The following ADAMTS20 variants were observed in gnomAD, a reference collection of about 807,000 sequenced individuals.
The protein encoded by ADAMTS20 is ADAM metallopeptidase with thrombospondin type 1 motif 20, also known as A disintegrin and metalloproteinase with thrombospondin motifs 20.
Under a neutral mutation model 260.1 loss-of-function variants are expected in ADAMTS20, and 225 were observed. The observed-to-expected ratio is 0.87, with a 90% CI of 0.78 to 0.97. The LOEUF is 0.97. Among genes scored for constraint, ADAMTS20 ranks in the 50% least tolerant of loss-of-function variants. The probability of loss-of-function intolerance (pLI) is 0.00; values close to 1 mark genes in which losing one functional copy is unlikely to be tolerated. For synonymous variants in ADAMTS20, 802 were observed against 769.5 expected, an observed-to-expected ratio of 1.04 and a Z score of -0.70; for missense variants, 2,400 against 2,337.7, an observed-to-expected ratio of 1.03 and a Z score of -0.55.
In ADAMTS20 at chr12:43,446,579, C is replaced by T. The variant is rs747751998; in HGVS notation, c.2197+16G>A. On this transcript the variant is annotated intron_variant, in intron 15 of 38. Coordinates refer to ENST00000389420, the MANE Select transcript of ADAMTS20 (RefSeq NM_025003.5). ...ACTAAATAAAAGCGAAATCTAGAAACAAATACACAACTTACCATAATGAGA... is the reference window on the plus strand; with the variant it reads ...ACTAAATAAAAGCGAAATCTAGAAATAAATACACAACTTACCATAATGAGA... 5 of 1,598,072 alleles carry T rather than the reference C, an allele frequency of 3.1e-6. No individual in the cohort carries two copies. Among genetic ancestry groups the T allele is most frequent in the Admixed American group, 3.4e-5 (2 of 59,566 alleles).
At chr12:43,378,736 A>G (rs894870346) in intron 31 of ADAMTS20, among the ~76,000 whole-genome samples, 2 of 152,232 alleles carry the variant, frequency 1.3e-5, no homozygotes, top group Non-Finnish European at 2.9e-5. Context: ...CTCATAATGA[A>G]GAAAAAACCT....
chr12:43,436,067 A>C (rs79407731), intron 18 of ADAMTS20, among the ~76,000 whole-genome samples: 2,016 of 152,330 alleles, frequency 0.013, 49 homozygotes, highest in African/African-American at 0.047. Flanking sequence ...GAAAACGCAT[A>C]AACGTAAAAG....
intron 2 of ADAMTS20, among the ~76,000 whole-genome samples, chr12:43,542,085 G>C (rs1943383935): frequency 6.6e-6 from 1 of 152,070 alleles, no homozygotes; most frequent in African/African-American, 2.4e-5. Flanking sequence ...TCATTCTTGT[G>C]GGCACTGAGG....
At position 43,551,995 on chromosome 12, in the gene ADAMTS20, C is replaced by T; in HGVS notation, c.-74G>A. 4 of 1,276,562 alleles carry T rather than the reference C, an allele frequency of 3.1e-6. No individual in the cohort carries two copies. The highest frequency in any genetic ancestry group is 4.5e-6 in the Non-Finnish European group (4 of 883,552). 79.1% of individuals were successfully genotyped at this position (1,276,562 alleles called of 1,614,324 possible). A position where few individuals can be genotyped will look rare whatever the true frequency, so the allele number is the denominator to read the frequency against. ...CAGCCAAGCCGGCTTCCCTCGCGCT[C>T]CGATCCCTCTCCTCCCTCTCGCCCG... On this transcript the variant is annotated 5_prime_UTR_variant, in exon 1 of 39. Coordinates refer to ENST00000389420, the MANE Select transcript of ADAMTS20 (RefSeq NM_025003.5). The surrounding 1 kb of genome is among the most constrained non-coding windows in gnomAD (Gnocchi z 4.6).
intron 37 of ADAMTS20, among the ~76,000 whole-genome samples, chr12:43,362,368 G>C (rs1939889190): frequency 6.6e-6 from 1 of 152,160 alleles, no homozygotes; most frequent in Non-Finnish European, 1.5e-5. Flanking sequence ...GAAAGTAGTA[G>C]GTCAGAGTCA....
intron 28 of ADAMTS20, among the ~76,000 whole-genome samples, chr12:43,402,733 A>C (rs1399250117): frequency 6.6e-6 from 1 of 151,942 alleles, no homozygotes; most frequent in Admixed American, 6.6e-5. Flanking sequence ...TTTCCCCTCC[A>C]TTTTATAACT....
Position 43,466,216 on chromosome 12 carries a change from A to G in ADAMTS20, c.1367+436T>C, listed in dbSNP as rs150442258. On this transcript the variant is annotated intron_variant, in intron 9 of 38. Transcript: ENST00000389420. ...TCTGTGGCTTTAGAGAACTAACAGA[A>G]TAATTCGTAGTTTGACTTTAGCTAT... Among the ~76,000 whole-genome samples the G allele has an allele frequency of 1.8e-3, 271 of 152,174 alleles. 1 individual carries two copies. Among genetic ancestry groups the G allele is most frequent in the African/African-American group, 6.4e-3 (265 of 41,568 alleles).
At chr12:43,422,597 T>C (rs1941256798) in intron 28 of ADAMTS20, among the ~76,000 whole-genome samples, 1 of 152,000 alleles carries the variant, frequency 6.6e-6, no homozygotes, top group Non-Finnish European at 1.5e-5. Context: ...AAAAAGTAAA[T>C]ATGATTGTAA....
intron 35 of ADAMTS20, 48 bp downstream of exon 35, chr12:43,376,009 C>T: frequency 7.2e-7 from 1 of 1,391,342 alleles, no homozygotes; most frequent in South Asian, 1.3e-5. Flanking sequence ...TTCCAATTCT[C>T]TTGGAGGACC....
intron 31 of ADAMTS20, among the ~76,000 whole-genome samples, chr12:43,378,548 A>G (rs1237462836): frequency 6.6e-6 from 1 of 152,264 alleles, no homozygotes; most frequent in Non-Finnish European, 1.5e-5. Context: ...CTGCCTACAA[A>G]ATCTTAAGTG....
chr12:43,524,229 C>T (rs868177339), intron 3 of ADAMTS20, among the ~76,000 whole-genome samples: 6 of 23,814 alleles, frequency 2.5e-4, no homozygotes, highest in Non-Finnish European at 4.2e-4. Flanking sequence ...AGAAAGCTAT[C>T]GCTCTCTATA....
chr12:43,509,708 G>A (rs149406157), intron 3 of ADAMTS20, among the ~76,000 whole-genome samples: 4 of 152,154 alleles, frequency 2.6e-5, no homozygotes, highest in African/African-American at 7.2e-5. Flanking sequence ...AATGGGTGAC[G>A]GAAGTGAAAT....
chr12:43,489,281 T>C (rs1942567812), intron 7 of ADAMTS20, among the ~76,000 whole-genome samples: 1 of 151,994 alleles, frequency 6.6e-6, no homozygotes, highest in East Asian at 1.9e-4. Flanking sequence ...TTCAGCTACA[T>C]TTTATATTTT....
At chr12:43,505,655 G>T (rs1028698491) in intron 3 of ADAMTS20, among the ~76,000 whole-genome samples, 4 of 152,160 alleles carry the variant, frequency 2.6e-5, no homozygotes, top group Admixed American at 2.0e-4. Context: ...AACAAATGTT[G>T]ACAAGTATGT....
chr12:43,524,327 T>G (rs1334401616), intron 3 of ADAMTS20, among the ~76,000 whole-genome samples: 2 of 151,132 alleles, frequency 1.3e-5, no homozygotes, highest in Non-Finnish European at 2.9e-5. Flanking sequence ...GTCACACCCT[T>G]AAGATGGAAA....
intron 18 of ADAMTS20, among the ~76,000 whole-genome samples, chr12:43,438,070 C>CA (rs892843694): frequency 1.3e-5 from 2 of 151,766 alleles, no homozygotes; most frequent in Admixed American, 6.6e-5. Flanking sequence ...AAAAAATACA[C>CA]AAAAAAAGGG....
At position 43,376,348 on chromosome 12, in the gene ADAMTS20, C is replaced by T. The variant is rs1940228127; in HGVS notation, c.5126-18G>A. On this transcript the variant is annotated intron_variant, in intron 33 of 38. Transcript: ENST00000389420. ...TGATTTACCTTCAAAGACAAATTAA[C>T]ACAACTTAACACAGAGCAAATTACA... The T allele has an allele frequency of 6.6e-7, 1 of 1,514,714 alleles. No homozygotes were observed. Among genetic ancestry groups the T allele is most frequent in the Non-Finnish European group, 8.9e-7 (1 of 1,124,550 alleles). The allele number at this position is 1,514,714 out of a possible 1,614,324, so 93.8% of individuals were successfully genotyped here.
intron 2 of ADAMTS20, 145 bp from the exon 3 acceptor site, chr12:43,532,340 T>C (rs1178998692): frequency 7.7e-6 from 5 of 645,992 alleles, no homozygotes; most frequent in Non-Finnish European, 1.0e-5. Flanking sequence ...ATAAAAAGTT[T>C]CCCTTCCCTG....
chr12:43,502,544 G>T, intron 3 of ADAMTS20, 139 bp from the exon 4 acceptor site: 1 of 853,232 alleles, frequency 1.2e-6, no homozygotes, highest in Non-Finnish European at 1.7e-6. Flanking sequence ...AAGAGAAATT[G>T]TTATTTAAAA....
Sources: gnomAD v4.1 joint callset for allele counts (sites outside exome capture counted in the v4.1 genomes callset) on GRCh38, gnomAD v4.1.1 for gene constraint, Gnocchi (gnomAD v3.1) non-coding constraint, MANE v1.5 for transcripts, NCBI Gene and HGNC (gene_info 2026-07-23, HGNC 2026-07-21) for gene names.